Variants in THSD4 observed in about 807,000 individuals in gnomAD.
THSD4 encodes thrombospondin type 1 domain containing 4, also known as thrombospondin type-1 domain-containing protein 4.
A neutral mutation model predicts 119.0 loss-of-function variants in THSD4; 69 were observed. That is an observed-to-expected ratio of 0.58 (90% CI 0.48 to 0.71). THSD4 has a LOEUF of 0.71. THSD4 is among the 30% of genes least tolerant of loss of function. THSD4 has a pLI of 0.00. For synonymous variants in THSD4, 524 were observed against 540.4 expected (o/e 0.97, Z 0.42); for missense variants, 1,393 against 1,391.1 (o/e 1.00, Z -0.02).
At chr15:71,435,403 G>C (rs1400043898) in intron 7 of THSD4, among the ~76,000 whole-genome samples, 1 of 152,092 alleles carries the variant, frequency 6.6e-6, no homozygotes, top group East Asian at 1.9e-4. Context: ...GGAGTTTTTA[G>C]GCTATCTTTC....
intron 6 of THSD4, among the ~76,000 whole-genome samples, chr15:71,271,884 G>A (rs1254987921): frequency 6.6e-6 from 1 of 152,170 alleles, no homozygotes; most frequent in Admixed American, 6.5e-5. Flanking sequence ...TCTAGGGGAT[G>A]ATTTCTTGCA....
intron 6 of THSD4, among the ~76,000 whole-genome samples, chr15:71,335,670 A>G (rs76481580): frequency 7.4e-4 from 113 of 152,268 alleles, no homozygotes; most frequent in African/African-American, 2.5e-3. Context: ...CTCGGTGAAG[A>G]TGAATGCAAG....
intron 6 of THSD4, among the ~76,000 whole-genome samples, chr15:71,277,317 G>C (rs1307952577): frequency 2.0e-5 from 3 of 151,896 alleles, no homozygotes; most frequent in Admixed American, 6.6e-5. Context: ...GTAGAGACAG[G>C]GTTTTACCAT....
At chr15:71,393,443 C>T (rs1378497344) in intron 6 of THSD4, among the ~76,000 whole-genome samples, 2 of 151,974 alleles carry the variant, frequency 1.3e-5, no homozygotes, top group Non-Finnish European at 2.9e-5. Context: ...ATAAACTCAC[C>T]ACGCTACCAG....
In THSD4 at chr15:71,780,749, T is replaced by C. The variant is rs1397005587; in HGVS notation, c.*3375T>C. 1 of 455,172 alleles carries C rather than the reference T, an allele frequency of 2.2e-6. No individual in the cohort carries two copies. Among genetic ancestry groups the C allele is most frequent in the South Asian group, 1.6e-5 (1 of 64,444 alleles). The allele number at this position is 455,172 out of a possible 1,614,324, so 28.2% of individuals were successfully genotyped here. A position where few individuals can be genotyped will look rare whatever the true frequency, so the allele number is the denominator to read the frequency against. The stretch of plus-strand genomic sequence containing the variant: ...CCTTACCTCTCTGGCCCAGAGTTCT[T>C]GGAGGGTTTTTTCTTTATTTTCTTA... On this transcript the variant is annotated 3_prime_UTR_variant, in exon 18 of 18. Coordinates refer to ENST00000261862, the MANE Select transcript of THSD4 (RefSeq NM_024817.3).
chr15:71,192,942 C>T (rs1247543541), intron 3 of THSD4, among the ~76,000 whole-genome samples: 3 of 152,194 alleles, frequency 2.0e-5, no homozygotes, highest in Admixed American at 1.3e-4. Context: ...TTTCTTCCTA[C>T]GTTTCTGTTT....
At chr15:71,642,748 A>G (rs893110484) in intron 7 of THSD4, among the ~76,000 whole-genome samples, 5 of 151,888 alleles carry the variant, frequency 3.3e-5, no homozygotes, top group African/African-American at 1.2e-4. Context: ...GGAATTGAAC[A>G]ATGAGATCAC....
intron 6 of THSD4, among the ~76,000 whole-genome samples, chr15:71,315,827 G>A (rs28584813): frequency 0.15 from 22,565 of 152,084 alleles, 1,770 homozygotes; most frequent in South Asian, 0.33. Context: ...GGAAATAGGA[G>A]CACAAGGAAT....
At chr15:71,672,176 T>C (rs2051545248) in intron 8 of THSD4, among the ~76,000 whole-genome samples, 1 of 152,226 alleles carries the variant, frequency 6.6e-6, no homozygotes, top group Admixed American at 6.5e-5. Flanking sequence ...CAGTGGTTTG[T>C]AGTTCTTCTT....
chr15:71,659,369 T>C (rs778726979), intron 7 of THSD4, among the ~76,000 whole-genome samples: 1 of 152,186 alleles, frequency 6.6e-6, no homozygotes, highest in East Asian at 1.9e-4. Context: ...AGTGGAAAGC[T>C]TCAGAAGTAG....
chr15:71,367,312 C>T (rs1200129818), intron 6 of THSD4, among the ~76,000 whole-genome samples: 1 of 151,262 alleles, frequency 6.6e-6, no homozygotes, highest in Non-Finnish European at 1.5e-5. Context: ...TATTATTATA[C>T]TTGAAGTTCT....
At chr15:71,690,100 T>G (rs1003392319) in intron 8 of THSD4, among the ~76,000 whole-genome samples, 5 of 152,334 alleles carry the variant, frequency 3.3e-5, no homozygotes, top group African/African-American at 1.2e-4. Flanking sequence ...AAAGTCAATC[T>G]TTGGTGGAAA....
intron 7 of THSD4, among the ~76,000 whole-genome samples, chr15:71,609,029 G>T (rs1331754945): frequency 6.6e-6 from 1 of 152,100 alleles, no homozygotes; most frequent in Non-Finnish European, 1.5e-5. Flanking sequence ...ATAAAGTCCA[G>T]GATCCCCTTG....
At chr15:71,383,059 C>T (rs1452524131) in intron 6 of THSD4, among the ~76,000 whole-genome samples, 1 of 152,202 alleles carries the variant, frequency 6.6e-6, no homozygotes, top group Non-Finnish European at 1.5e-5. Context: ...TTCCCCCCAT[C>T]ATTGTTTTTT....
At chr15:71,560,371 C>T (rs910024830) in intron 7 of THSD4, among the ~76,000 whole-genome samples, 31 of 152,156 alleles carry the variant, frequency 2.0e-4, no homozygotes, top group Admixed American at 6.5e-5. Flanking sequence ...GTGCTAAGTG[C>T]TGTGGAATTC....
intron 15 of THSD4, among the ~76,000 whole-genome samples, chr15:71,759,363 C>G (rs767556319): frequency 6.6e-6 from 1 of 152,148 alleles, no homozygotes; most frequent in Non-Finnish European, 1.5e-5. Context: ...TTTTCTGGCT[C>G]TAGGTGAGTG....
At chr15:71,505,199 T>G (rs1192025526) in intron 7 of THSD4, among the ~76,000 whole-genome samples, 1 of 151,974 alleles carries the variant, frequency 6.6e-6, no homozygotes, top group Non-Finnish European at 1.5e-5. Context: ...CTCCCCATCC[T>G]TGCAGGATTA....
intron 7 of THSD4, among the ~76,000 whole-genome samples, chr15:71,552,986 A>C (rs1421734482): frequency 1.3e-5 from 2 of 152,218 alleles, no homozygotes; most frequent in Non-Finnish European, 1.5e-5. Flanking sequence ...CAAGCAAACA[A>C]ATACAGAGAA....
chr15:71,570,629 A>G (rs2049332214), intron 7 of THSD4, among the ~76,000 whole-genome samples: 1 of 151,988 alleles, frequency 6.6e-6, no homozygotes, highest in Non-Finnish European at 1.5e-5. Flanking sequence ...ATTTTACACT[A>G]CTTCATAATC....
Sources: gnomAD v4.1 joint callset for allele counts (sites outside exome capture counted in the v4.1 genomes callset) on GRCh38, gnomAD v4.1.1 for gene constraint, MANE v1.5 for transcripts, NCBI Gene and HGNC (gene_info 2026-07-23, HGNC 2026-07-21) for gene names.